PTPN4: variants seen among roughly 807,000 people sequenced by gnomAD.
PTPN4 encodes the protein protein tyrosine phosphatase non-receptor type 4.
A neutral mutation model predicts 135.5 loss-of-function variants in PTPN4; 49 were observed. The ratio of observed to expected loss-of-function variants is 0.36; its 90% confidence interval spans 0.29 to 0.46. The LOEUF (loss-of-function observed/expected upper bound fraction) is 0.46, where lower values mean the gene tolerates loss of function less well. PTPN4 is among the 20% of genes least tolerant of loss of function. PTPN4 has a pLI of 1.00. For missense variants in PTPN4, 860 were observed against 1,101.0 expected, an observed-to-expected ratio of 0.78 and a Z score of 3.10; for synonymous variants, 333 against 369.9, an observed-to-expected ratio of 0.90 and a Z score of 1.14.
chr2:119,801,612 CTA>C (rs1358922595), intron 1 of PTPN4, among the ~76,000 whole-genome samples: 4 of 152,160 alleles, frequency 2.6e-5, no homozygotes, highest in South Asian at 2.1e-4. Flanking sequence ...TAGAAGTTCT[CTA>C]TGTGTTTTGT....
chr2:119,857,579 G>GAA (rs772791546), intron 2 of PTPN4, among the ~76,000 whole-genome samples: 3 of 116,280 alleles, frequency 2.6e-5, no homozygotes, highest in Admixed American at 8.7e-5. Flanking sequence ...TTTACTAAAA[G>GAA]AAAAAAAAAA....
At chr2:119,834,234 T>G (rs935234244) in intron 2 of PTPN4, among the ~76,000 whole-genome samples, 1 of 152,054 alleles carries the variant, frequency 6.6e-6, no homozygotes, top group Non-Finnish European at 1.5e-5. Flanking sequence ...TTAACTATAG[T>G]CACCCTACTC....
chr2:119,915,380 C>G (rs1678638768), intron 11 of PTPN4, 138 bp downstream of exon 11: 3 of 580,144 alleles, frequency 5.2e-6, no homozygotes, highest in Non-Finnish European at 8.3e-6. Flanking sequence ...GTAATGAATT[C>G]ACTTGTTATA....
chr2:119,767,557 C>G (rs961520571), intron 1 of PTPN4, among the ~76,000 whole-genome samples: 1 of 152,202 alleles, frequency 6.6e-6, no homozygotes. Context: ...GTCCAGCATC[C>G]AATTCAGGTT....
intron 1 of PTPN4, among the ~76,000 whole-genome samples, chr2:119,793,243 G>T (rs1290258421): frequency 3.3e-5 from 5 of 152,142 alleles, no homozygotes; most frequent in African/African-American, 1.2e-4. Flanking sequence ...TTTCCCCAGG[G>T]CTGTCAATTA....
intron 1 of PTPN4, among the ~76,000 whole-genome samples, chr2:119,795,721 T>A (rs1006174857): frequency 6.6e-6 from 1 of 152,244 alleles, no homozygotes. Context: ...GCAACATCCA[T>A]GCCTGGGGGG....
At chr2:119,821,580 A>T (rs1677069338) in intron 2 of PTPN4, among the ~76,000 whole-genome samples, 1 of 151,926 alleles carries the variant, frequency 6.6e-6, no homozygotes, top group South Asian at 2.1e-4. Context: ...CAATTATTTA[A>T]TTTTTTCATG....
chr2:119,925,148 T>C (rs904143410), intron 12 of PTPN4, among the ~76,000 whole-genome samples: 18 of 152,250 alleles, frequency 1.2e-4, no homozygotes, highest in African/African-American at 4.1e-4. Flanking sequence ...GATGGGACCA[T>C]CTACAGGATG....
chr2:119,766,459 T>C (rs796180186), intron 1 of PTPN4, among the ~76,000 whole-genome samples: 59,232 of 137,756 alleles, frequency 0.43, 13,012 homozygotes, highest in East Asian at 0.61. Context: ...CGTGTGTGTG[T>C]GTGTGTGTGT....
rs1678921959 is a variant in PTPN4, at chr2:119,932,565, G to A, written c.1196+16G>A. On this transcript the variant is annotated intron_variant, in intron 14 of 26. Transcript: ENST00000263708. Reference sequence around the variant, plus strand: ...CTCCTAATCAGTAAGTGTGAATTTTGTGACCAACATCAGGTGTGAATTTTG... The same window carrying A: ...CTCCTAATCAGTAAGTGTGAATTTTATGACCAACATCAGGTGTGAATTTTG... 1 of 1,586,962 alleles carries A rather than the reference G, an allele frequency of 6.3e-7. No homozygotes were observed. The highest frequency in any genetic ancestry group is 1.4e-5 in the African/African-American group (1 of 73,626).
chr2:119,973,655 G>GTTTTT lies in PTPN4; in HGVS notation c.2695-3306_2695-3302dup, dbSNP rs70949378. ...TTGAAAGCTTCCTCCTTCATTTCTT[G>GTTTTT]TTTTTTTTTTTTTTTTTTTTTTTTT... On this transcript the variant is annotated intron_variant, in intron 26 of 26. Coordinates refer to ENST00000263708, the MANE Select transcript of PTPN4 (RefSeq NM_002830.4). Among the ~76,000 whole-genome samples, 70 of 38,386 alleles carry GTTTTT rather than the reference G, an allele frequency of 1.8e-3. 14 individuals carry two copies. The highest frequency in any genetic ancestry group is 7.7e-3 in the East Asian group (7 of 910). The allele number at this position is 38,386 out of a possible 152,430, so 25.2% of individuals were successfully genotyped here. A position where few individuals can be genotyped will look rare whatever the true frequency, so the allele number is the denominator to read the frequency against.
chr2:119,841,764 A>G (rs1677385273), intron 2 of PTPN4, among the ~76,000 whole-genome samples: 1 of 152,134 alleles, frequency 6.6e-6, no homozygotes, highest in Non-Finnish European at 1.5e-5. Context: ...GTAAATAATC[A>G]TGGGCTTTTA....
At chr2:119,815,973 A>T (rs1335833701) in intron 2 of PTPN4, among the ~76,000 whole-genome samples, 1 of 152,224 alleles carries the variant, frequency 6.6e-6, no homozygotes, top group Admixed American at 6.5e-5. Context: ...CTCTCTCAAT[A>T]AAAAGGATTC....
rs534556228 is a variant in PTPN4 at position 119,780,034 on chromosome 2, C to G, written c.-18+19650C>G. On this transcript the variant is annotated intron_variant, in intron 1 of 26. Coordinates refer to ENST00000263708, the MANE Select transcript of PTPN4 (RefSeq NM_002830.4). Reference sequence around the variant, plus strand: ...GTGCTGGGATTACAGGCATGAGCCACCACACCTGGCTGAAATAATTTTTTT... The same window carrying G: ...GTGCTGGGATTACAGGCATGAGCCAGCACACCTGGCTGAAATAATTTTTTT... Among the ~76,000 whole-genome samples the G allele has an allele frequency of 1.1e-4, 17 of 150,432 alleles. No homozygotes were observed. In the South Asian group the frequency reaches 2.3e-3, roughly 21 times the overall value.
At chr2:119,879,218 G>C (rs1237658076) in intron 5 of PTPN4, among the ~76,000 whole-genome samples, 1 of 152,100 alleles carries the variant, frequency 6.6e-6, no homozygotes, top group Admixed American at 6.5e-5. Flanking sequence ...TTGAAAAACT[G>C]TCTTTGAATT....
chr2:119,818,111 G>T (rs1230168416), intron 2 of PTPN4, among the ~76,000 whole-genome samples: 2 of 152,160 alleles, frequency 1.3e-5, no homozygotes, highest in African/African-American at 4.8e-5. Context: ...CTGCAAACAG[G>T]GTTAGTTTGA....
chr2:119,904,166 C>G (rs1678450257), intron 10 of PTPN4, among the ~76,000 whole-genome samples: 1 of 151,418 alleles, frequency 6.6e-6, no homozygotes, highest in Non-Finnish European at 1.5e-5. Flanking sequence ...CTTGACAATA[C>G]AGAGATATCA....
intron 3 of PTPN4, among the ~76,000 whole-genome samples, chr2:119,876,783 A>G (rs1677988894): frequency 6.6e-6 from 1 of 151,956 alleles, no homozygotes; most frequent in South Asian, 2.1e-4. Context: ...GTTTTTTTCA[A>G]ATGGGAGGTA....
At chr2:119,811,123 C>T (rs892523304) in intron 2 of PTPN4, among the ~76,000 whole-genome samples, 6 of 152,142 alleles carry the variant, frequency 3.9e-5, no homozygotes, top group African/African-American at 1.4e-4. Flanking sequence ...GAGAAATACC[C>T]AATGTAAATG....
Sources: allele counts gnomAD v4.1 joint callset (sites outside exome capture counted in the v4.1 genomes callset), GRCh38; gene constraint gnomAD v4.1.1; transcripts MANE v1.5; gene names NCBI Gene and HGNC (gene_info 2026-07-23, HGNC 2026-07-21).